Variants in CAMSAP2 observed in about 807,000 individuals in gnomAD.
CAMSAP2 encodes the protein calmodulin-regulated spectrin-associated protein 2.
CAMSAP2 carries 26 observed loss-of-function variants against 146.1 expected under a neutral mutation model. The ratio of observed to expected loss-of-function variants is 0.18; its 90% CI spans 0.13 to 0.25. The LOEUF is 0.25. Ranked by LOEUF, CAMSAP2 falls within the 10% of genes least tolerant of loss-of-function variation. The pLI is 1.00. For missense variants in CAMSAP2, 1,381 were observed against 1,759.3 expected (o/e 0.78, Z 3.85); for synonymous variants, 499 against 596.6 (o/e 0.84, Z 2.38).
intron 2 of CAMSAP2, among the ~76,000 whole-genome samples, chr1:200,771,776 C>G (rs1053009099): frequency 6.6e-6 from 1 of 152,174 alleles, no homozygotes; most frequent in African/African-American, 2.4e-5. Flanking sequence ...TGGAACCACC[C>G]TGTCTTATAG....
chr1:200,819,014 C>T (rs1027787801), intron 4 of CAMSAP2, among the ~76,000 whole-genome samples: 2 of 152,160 alleles, frequency 1.3e-5, no homozygotes, highest in African/African-American at 2.4e-5. Context: ...CTCAGATGTC[C>T]AGTAGAATTT....
intron 8 of CAMSAP2, among the ~76,000 whole-genome samples, chr1:200,846,403 T>C (rs1382431664): frequency 6.6e-6 from 1 of 152,250 alleles, no homozygotes; most frequent in East Asian, 1.9e-4. Context: ...TCATGTCCTC[T>C]GGAAAACTCA....
At chr1:200,838,093 A>G (rs1216689310) in intron 6 of CAMSAP2, among the ~76,000 whole-genome samples, 6 of 152,204 alleles carry the variant, frequency 3.9e-5, no homozygotes, top group Admixed American at 2.0e-4. Context: ...TTTAATCGTC[A>G]TGAACTCAGA....
chr1:200,788,735 G>A (rs1482513311), intron 2 of CAMSAP2, among the ~76,000 whole-genome samples: 1 of 150,460 alleles, frequency 6.6e-6, no homozygotes, highest in African/African-American at 2.4e-5. Context: ...TCCGCCTCCT[G>A]GGTTCAAGCA....
intron 2 of CAMSAP2, among the ~76,000 whole-genome samples, chr1:200,796,904 G>A (rs574690120): frequency 6.6e-6 from 1 of 150,974 alleles, no homozygotes; most frequent in African/African-American, 2.4e-5. Context: ...TCCCACCTAT[G>A]AGTGAGAATA....
At chr1:200,785,968 G>A (rs1173565135) in intron 2 of CAMSAP2, among the ~76,000 whole-genome samples, 1 of 152,228 alleles carries the variant, frequency 6.6e-6, no homozygotes, top group Non-Finnish European at 1.5e-5. Context: ...GGGATTACAG[G>A]CGTGAGCCAC....
intron 2 of CAMSAP2, among the ~76,000 whole-genome samples, chr1:200,791,919 A>G (rs1179023125): frequency 6.6e-6 from 1 of 151,810 alleles, no homozygotes; most frequent in Non-Finnish European, 1.5e-5. Flanking sequence ...TGAGCCAAGA[A>G]CACGCCACTG....
At chr1:200,778,021 T>G (rs1665328888) in intron 2 of CAMSAP2, among the ~76,000 whole-genome samples, 1 of 152,194 alleles carries the variant, frequency 6.6e-6, no homozygotes, top group East Asian at 1.9e-4. Context: ...GAGGATCACT[T>G]GAGCTCAGGA....
intron 4 of CAMSAP2, among the ~76,000 whole-genome samples, chr1:200,816,912 G>A (rs539198932): frequency 2.1e-5 from 1 of 47,670 alleles, no homozygotes; most frequent in African/African-American, 1.1e-4. Flanking sequence ...ACACACGCGT[G>A]TGTATGTGTG....
intron 2 of CAMSAP2, among the ~76,000 whole-genome samples, chr1:200,787,268 A>C (rs1030433423): frequency 6.6e-6 from 1 of 152,198 alleles, no homozygotes; most frequent in African/African-American, 2.4e-5. Flanking sequence ...AGTAAATTTA[A>C]AACCTTCTGA....
intron 1 of CAMSAP2, among the ~76,000 whole-genome samples, chr1:200,754,354 G>A (rs533985351): frequency 6.6e-6 from 1 of 152,150 alleles, no homozygotes; most frequent in South Asian, 2.1e-4. Flanking sequence ...TGATCACCTG[G>A]TCAAAGTGGT....
intron 4 of CAMSAP2, among the ~76,000 whole-genome samples, chr1:200,829,488 C>T (rs1321850102): frequency 6.6e-6 from 1 of 152,174 alleles, no homozygotes; most frequent in Non-Finnish European, 1.5e-5. Context: ...AGAAGGTTTT[C>T]TGTGACCTCA....
At chr1:200,813,726 T>G (rs923406326) in intron 3 of CAMSAP2, among the ~76,000 whole-genome samples, 2 of 151,978 alleles carry the variant, frequency 1.3e-5, no homozygotes, top group Non-Finnish European at 2.9e-5. Flanking sequence ...GGGAAAAAAA[T>G]AAAAACAAGG....
chr1:200,834,073 A>G (rs1273239683), intron 6 of CAMSAP2, among the ~76,000 whole-genome samples: 1 of 152,202 alleles, frequency 6.6e-6, no homozygotes, highest in East Asian at 1.9e-4. Flanking sequence ...TGTTAAAAAT[A>G]ATAATCATGG....
At chr1:200,761,130 G>A in intron 2 of CAMSAP2, 32 bp downstream of exon 2, 3 of 1,595,292 alleles carry the variant, frequency 1.9e-6, no homozygotes, top group Non-Finnish European at 2.6e-6. Context: ...ATTATTTTAA[G>A]TTTGAAGTGT....
rs1664058893 is a variant in CAMSAP2, at chr1:200,738,916, C to G, written c.-912C>G. On this transcript the variant is annotated 5_prime_UTR_variant, in exon 1 of 17. In the 5' UTR this introduces an upstream ATG that the reference lacks. Transcript: ENST00000358823. ...TCAGTCTCCGCATCTGCTCCTTCAT[C>G]CAGTGCCGCAGCCGGAAAACCGCAG... Among the ~76,000 whole-genome samples, 1 of 150,954 alleles carries G rather than the reference C, an allele frequency of 6.6e-6. No individual in the cohort carries two copies. The highest frequency in any genetic ancestry group is 2.1e-4 in the South Asian group (1 of 4,740).
At position 200,857,630 on chromosome 1, in the gene CAMSAP2, T is replaced by G. The variant is rs1667780362; in HGVS notation, c.4132-124T>G. The G allele has an allele frequency of 2.1e-6, 2 of 958,558 alleles. No individual in the cohort carries two copies. Among genetic ancestry groups the G allele is most frequent in the Non-Finnish European group, 3.1e-6 (2 of 655,106 alleles). The allele number at this position is 958,558 out of a possible 1,614,324, so 59.4% of individuals were successfully genotyped here. A position where few individuals can be genotyped will look rare whatever the true frequency, so the allele number is the denominator to read the frequency against. ...TAAAGACTAGCAATAGGCTTTAAGATTTGTCATTGAAATAATGTTATAAAA... is the reference window on the plus strand; with the variant it reads ...TAAAGACTAGCAATAGGCTTTAAGAGTTGTCATTGAAATAATGTTATAAAA... On this transcript the variant is annotated intron_variant, in intron 16 of 16. Transcript: ENST00000358823. The surrounding 1 kb of genome is among the most constrained non-coding windows in gnomAD (Gnocchi z 4.7).
intron 1 of CAMSAP2, among the ~76,000 whole-genome samples, chr1:200,752,984 A>G (rs1664550860): frequency 6.6e-6 from 1 of 151,750 alleles, no homozygotes; most frequent in Non-Finnish European, 1.5e-5. Flanking sequence ...GTCTTTAATG[A>G]TATTAACACT....
chr1:200,852,825 C>T (rs1369700026), intron 12 of CAMSAP2, 148 bp downstream of exon 12: 2 of 756,716 alleles, frequency 2.6e-6, no homozygotes, highest in Non-Finnish European at 3.9e-6. Context: ...TATAGATAGA[C>T]AGCTGGATCA....
Sources: allele counts gnomAD v4.1 joint callset (sites outside exome capture counted in the v4.1 genomes callset), GRCh38; gene constraint gnomAD v4.1.1; non-coding constraint Gnocchi (gnomAD v3.1); transcripts MANE v1.5; gene names NCBI Gene and HGNC (gene_info 2026-07-23, HGNC 2026-07-21).